The following ADAMTSL1 variants were observed in gnomAD, a reference collection of about 807,000 sequenced individuals.
The protein encoded by ADAMTSL1 is ADAMTS-like protein 1.
Under a neutral mutation model 201.8 loss-of-function variants are expected in ADAMTSL1, and 126 were observed. That is an observed-to-expected ratio of 0.62 (90% CI 0.54 to 0.72). The LOEUF is 0.72. ADAMTSL1 is among the 30% of genes least tolerant of loss of function. The pLI is 0.00. For synonymous variants in ADAMTSL1, 1,121 were observed against 903.4 expected (o/e 1.24, Z -4.32); for missense variants, 2,679 against 2,277.8 (o/e 1.18, Z -3.59).
At chr9:18,681,072 T>G (rs952650061) in intron 11 of ADAMTSL1, 1 of 152,676 alleles carries the variant, frequency 6.5e-6, no homozygotes, top group Admixed American at 6.5e-5. Flanking sequence ...AAAATGTCAT[T>G]CAGGGTTTCC....
At position 18,378,381 on chromosome 9, in the gene ADAMTSL1, C is replaced by A. The variant is rs559838758; in HGVS notation, c.208-126448C>A. ...AGTAGAGACCTTGAATAAAGAAAAT[C>A]TTTCAAGAGTCTTGGCACTAAGCCA... is the stretch of plus-strand genomic sequence containing the variant. On this transcript the variant is annotated intron_variant, in intron 2 of 29. Transcript: ENST00000680146. Among the ~76,000 whole-genome samples the A allele has an allele frequency of 8.5e-5, 13 of 152,314 alleles. No homozygotes were observed. The South Asian group carries it at 2.7e-3, about 32-fold the overall frequency.
intron 2 of ADAMTSL1, among the ~76,000 whole-genome samples, chr9:18,321,664 G>A (rs1050205166): frequency 6.6e-6 from 1 of 152,024 alleles, no homozygotes; most frequent in Admixed American, 6.6e-5. Flanking sequence ...GTGGCAACAG[G>A]CGCCTGTAGT....
At chr9:18,826,945 T>G (rs1824611117) in intron 22 of ADAMTSL1, among the ~76,000 whole-genome samples, 1 of 152,174 alleles carries the variant, frequency 6.6e-6, no homozygotes, top group African/African-American at 2.4e-5. Flanking sequence ...AGTCTCCACA[T>G]GTACCCCTAA....
intron 1 of ADAMTSL1, among the ~76,000 whole-genome samples, chr9:18,040,350 A>G (rs991410254): frequency 6.6e-6 from 1 of 152,138 alleles, no homozygotes; most frequent in Non-Finnish European, 1.5e-5. Flanking sequence ...AAGGAGAACT[A>G]ATTGTTTCTG....
In ADAMTSL1 at chr9:18,099,345, ATATATATATATT is replaced by A. The variant is rs1477928038; in HGVS notation, c.88-64515_88-64504del. Among the ~76,000 whole-genome samples the A allele has an allele frequency of 1.0e-3, 48 of 46,218 alleles. 5 individuals carry two copies. Among genetic ancestry groups the A allele is most frequent in the African/African-American group, 3.7e-3 (47 of 12,856 alleles). The allele number at this position is 46,218 out of a possible 152,430, so 30.3% of individuals were successfully genotyped here. On this transcript the variant is annotated intron_variant, in intron 1 of 29. Transcript: ENST00000680146. ...ATGGAAAATATATATATATATATAT[ATATATATATATT>A]TTTTTTTTTTTTTTTAACATCCATT...
intron 2 of ADAMTSL1, among the ~76,000 whole-genome samples, chr9:18,355,368 T>C (rs1355044832): frequency 6.6e-6 from 1 of 152,200 alleles, no homozygotes; most frequent in African/African-American, 2.4e-5. Context: ...CTTTTTGTTA[T>C]ATAAAGTATG....
intron 1 of ADAMTSL1, among the ~76,000 whole-genome samples, chr9:17,975,535 C>T (rs1008531778): frequency 1.3e-4 from 20 of 152,150 alleles, no homozygotes; most frequent in Non-Finnish European, 2.1e-4. Flanking sequence ...GGCCCCACCT[C>T]TTCATAGTTA....
At chr9:18,283,318 T>C (rs2132638962) in intron 2 of ADAMTSL1, among the ~76,000 whole-genome samples, 1 of 152,160 alleles carries the variant, frequency 6.6e-6, no homozygotes, top group South Asian at 2.1e-4. Flanking sequence ...TTTAAACCTA[T>C]CTTTAACCAG....
At chr9:18,188,486 C>T (rs1404355872) in intron 2 of ADAMTSL1, among the ~76,000 whole-genome samples, 1 of 152,056 alleles carries the variant, frequency 6.6e-6, no homozygotes, top group Non-Finnish European at 1.5e-5. Context: ...AATAGGTATA[C>T]TCTAGAAGAT....
chr9:18,225,064 A>G (rs2132379593), intron 2 of ADAMTSL1, among the ~76,000 whole-genome samples: 1 of 152,296 alleles, frequency 6.6e-6, no homozygotes, highest in East Asian at 1.9e-4. Flanking sequence ...ACTCTGGGAT[A>G]AAATAACCAG....
chr9:17,967,929 G>A (rs558059905), intron 1 of ADAMTSL1, among the ~76,000 whole-genome samples: 1 of 152,234 alleles, frequency 6.6e-6, no homozygotes, highest in African/African-American at 2.4e-5. Flanking sequence ...GACAGGGTGT[G>A]TAACTTGCTC....
chr9:18,257,424 C>A (rs1192891241), intron 2 of ADAMTSL1, among the ~76,000 whole-genome samples: 4 of 152,130 alleles, frequency 2.6e-5, no homozygotes, highest in Non-Finnish European at 1.5e-5. Flanking sequence ...AGATGCTCAA[C>A]ACCCCAGTTA....
intron 26 of ADAMTSL1, among the ~76,000 whole-genome samples, chr9:18,899,568 G>A (rs952752728): frequency 2.6e-5 from 4 of 151,994 alleles, no homozygotes; most frequent in African/African-American, 9.7e-5. Context: ...ACAAAAATAG[G>A]AGGGTACCGG....
intron 20 of ADAMTSL1, among the ~76,000 whole-genome samples, chr9:18,800,695 C>CA: frequency 6.6e-6 from 1 of 152,080 alleles, no homozygotes; most frequent in Non-Finnish European, 1.5e-5. Context: ...ATCTCAGTCT[C>CA]AAAAAAGCAA....
At chr9:18,786,888 G>A (rs1051101531) in intron 19 of ADAMTSL1, among the ~76,000 whole-genome samples, 4 of 152,192 alleles carry the variant, frequency 2.6e-5, no homozygotes, top group African/African-American at 9.7e-5. Flanking sequence ...GTTTTGTACA[G>A]TGTTCCAAAG....
At position 18,351,946 on chromosome 9, in the gene ADAMTSL1, C is replaced by A. The variant is rs565900429; in HGVS notation, c.208-152883C>A. Among the ~76,000 whole-genome samples the A allele has an allele frequency of 2.0e-5, 3 of 152,210 alleles. No individual in the cohort carries two copies. In the South Asian group the frequency reaches 6.2e-4, roughly 32 times the overall value. ...CAGTGGTTTCAAATATCAGTGATGACCTAGTTGTTTAATTACAGTCAATCA... is the reference window on the plus strand; with the variant it reads ...CAGTGGTTTCAAATATCAGTGATGAACTAGTTGTTTAATTACAGTCAATCA... On this transcript the variant is annotated intron_variant, in intron 2 of 29. Transcript: ENST00000680146.
chr9:18,579,259 G>T lies in ADAMTSL1; in HGVS notation c.474+4993G>T, dbSNP rs867014570. On this transcript the variant is annotated intron_variant, in intron 4 of 28. Coordinates refer to ENST00000380548, the MANE Select transcript of ADAMTSL1 (RefSeq NM_001040272.6). Reference sequence around the variant, plus strand: ...CTATCGCAAGAACAAAAAACCAAACGCCGCATATTCTCACTCATAGGTGGG... The same window carrying T: ...CTATCGCAAGAACAAAAAACCAAACTCCGCATATTCTCACTCATAGGTGGG... Among the ~76,000 whole-genome samples, 27 of 147,204 alleles carry T rather than the reference G, an allele frequency of 1.8e-4. No homozygotes were observed. In the East Asian group the frequency reaches 4.0e-3, roughly 22 times the overall value.
At chr9:18,125,023 C>A (rs915816663) in intron 1 of ADAMTSL1, among the ~76,000 whole-genome samples, 1 of 152,142 alleles carries the variant, frequency 6.6e-6, no homozygotes, top group East Asian at 1.9e-4. Context: ...CAAGTCCCAT[C>A]TCTTGCTGTT....
intron 2 of ADAMTSL1, among the ~76,000 whole-genome samples, chr9:18,310,191 A>G (rs117538246): frequency 0.07 from 10,654 of 151,990 alleles, 379 homozygotes; most frequent in Middle Eastern, 0.13. Flanking sequence ...TTAACTCAAG[A>G]TGGTATAAAC....
Sources: gnomAD v4.1 joint callset for allele counts (sites outside exome capture counted in the v4.1 genomes callset) on GRCh38, gnomAD v4.1.1 for gene constraint, MANE v1.5 for transcripts, NCBI Gene and HGNC (gene_info 2026-07-23, HGNC 2026-07-21) for gene names.